Variants in SIM1 observed in about 807,000 individuals in gnomAD.
SIM1 encodes the protein single-minded homolog 1.
Under a neutral mutation model 78.2 loss-of-function variants are expected in SIM1, and 18 were observed. The observed-to-expected ratio is 0.23, with a 90% CI of 0.16 to 0.34. The LOEUF (loss-of-function observed/expected upper bound fraction) is 0.34. Ranked by LOEUF, SIM1 falls within the 10% of genes least tolerant of loss-of-function variation. The probability of loss-of-function intolerance (pLI) is 1.00; values close to 1 mark genes in which losing one functional copy is unlikely to be tolerated. For synonymous variants in SIM1, 417 were observed against 385.2 expected, an observed-to-expected ratio of 1.08 and a Z score of -0.97; for missense variants, 939 against 975.1, an observed-to-expected ratio of 0.96 and a Z score of 0.49.
chr6:100,393,531 T>C lies in SIM1; in HGVS notation c.1526A>G (p.Tyr509Cys), dbSNP rs768501726. 38 of 1,586,382 alleles carry C rather than the reference T, an allele frequency of 2.4e-5. 1 individual carries two copies. Among genetic ancestry groups the C allele is most frequent in the Non-Finnish European group, 3.3e-5 (38 of 1,163,272 alleles). The change falls in exon 11 of 12, where the codon TAT (tyrosine) becomes TGT (cysteine). Residue 509 changes from tyrosine to cysteine, a missense_variant. Tyr to Cys is a radical substitution (Grantham distance 194, BLOSUM62 -2). Transcript: ENST00000369208. ...AGCGATGTGAGGCATGCTGTTTTCA[T>C]AGGCTTCTCTGCTTTCTGGGGAGGC... ...TKASPESREA[Y>C]ENSMPHIASV...
At chr6:100,411,162 A>C (rs1452177251) in intron 10 of SIM1, among the ~76,000 whole-genome samples, 1 of 152,220 alleles carries the variant, frequency 6.6e-6, no homozygotes, top group Non-Finnish European at 1.5e-5. Flanking sequence ...ATAAACAAAC[A>C]TGGGTAACTG....
chr6:100,450,218 A>G (rs888318196), intron 4 of SIM1, 49 bp downstream of exon 4: 1 of 1,528,506 alleles, frequency 6.5e-7, no homozygotes, highest in Admixed American at 1.7e-5. Context: ...CCCTGCTTCC[A>G]GCTCTGGCTG....
intron 9 of SIM1, among the ~76,000 whole-genome samples, chr6:100,442,125 C>T (rs868845243): frequency 6.6e-6 from 1 of 152,084 alleles, no homozygotes; most frequent in Admixed American, 6.6e-5. Flanking sequence ...GTCAGGTAAC[C>T]AATGTGACAG....
intron 3 of SIM1, 80 bp from the exon 4 acceptor site, chr6:100,450,436 A>T: frequency 7.9e-7 from 1 of 1,268,462 alleles, no homozygotes; most frequent in Non-Finnish European, 1.1e-6. Context: ...GAAGTTAGTG[A>T]CTTTCAGCCA....
chr6:100,427,608 TG>T (rs1356376418), intron 9 of SIM1, among the ~76,000 whole-genome samples: 5 of 152,226 alleles, frequency 3.3e-5, no homozygotes, highest in Non-Finnish European at 7.3e-5. Context: ...AATGTTGATA[TG>T]TGGCAAAGTC....
intron 9 of SIM1, among the ~76,000 whole-genome samples, chr6:100,441,710 A>G (rs1772221712): frequency 6.6e-6 from 1 of 152,166 alleles, no homozygotes; most frequent in African/African-American, 2.4e-5. Context: ...ACTTATGGGG[A>G]AAAAATGAGA....
intron 9 of SIM1, among the ~76,000 whole-genome samples, chr6:100,427,728 C>G (rs1440914416): frequency 6.6e-6 from 1 of 152,162 alleles, no homozygotes; most frequent in African/African-American, 2.4e-5. Flanking sequence ...AATTTGTTTC[C>G]TCACCCCTCC....
intron 9 of SIM1, among the ~76,000 whole-genome samples, chr6:100,446,638 GC>G: frequency 6.6e-6 from 1 of 152,206 alleles, no homozygotes; most frequent in Admixed American, 6.5e-5. Context: ...TGTCATTCGC[GC>G]CCGCAGGTGG....
intron 10 of SIM1, among the ~76,000 whole-genome samples, chr6:100,413,477 TTTC>T (rs1379101247): frequency 1.3e-5 from 2 of 152,220 alleles, no homozygotes; most frequent in Admixed American, 6.5e-5. Context: ...TTTCTCATTT[TTTC>T]TTCTTATTGT....
chr6:100,434,425 A>C (rs1292504076), intron 9 of SIM1, among the ~76,000 whole-genome samples: 1 of 152,244 alleles, frequency 6.6e-6, no homozygotes, highest in African/African-American at 2.4e-5. Context: ...ATTTGGCTTG[A>C]TCTGATAACA....
At chr6:100,459,971 T>G (rs967187689) in intron 2 of SIM1, among the ~76,000 whole-genome samples, 2 of 152,248 alleles carry the variant, frequency 1.3e-5, no homozygotes, top group African/African-American at 4.8e-5. Flanking sequence ...CATTTCCATG[T>G]GCCTCAATTT....
In SIM1 at chr6:100,390,262, C is replaced by T. The variant is rs777887808; in HGVS notation, c.*99G>A. 418 of 1,330,504 alleles carry T rather than the reference C, an allele frequency of 3.1e-4. No individual in the cohort carries two copies. Among genetic ancestry groups the T allele is most frequent in the Non-Finnish European group, 3.7e-4 (364 of 971,226 alleles). The allele number at this position is 1,330,504 out of a possible 1,614,324, so 82.4% of individuals were successfully genotyped here. ...CAAATACCCAGTAACTTAAGTTATACTCTCTAACAATCTGTGGCATAGTAA... is the reference window on the plus strand; with the variant it reads ...CAAATACCCAGTAACTTAAGTTATATTCTCTAACAATCTGTGGCATAGTAA... On this transcript the variant is annotated 3_prime_UTR_variant, in exon 12 of 12. Coordinates refer to ENST00000369208, the MANE Select transcript of SIM1 (RefSeq NM_005068.3).
chr6:100,398,675 A>G (rs1352417674), intron 10 of SIM1, among the ~76,000 whole-genome samples: 3 of 152,070 alleles, frequency 2.0e-5, no homozygotes, highest in South Asian at 4.2e-4. Context: ...CCATTCACCC[A>G]TTGATGACAC....
rs1166587380 is a variant in SIM1, at chr6:100,385,766, T to C, written c.*4595A>G. On this transcript the variant is annotated 3_prime_UTR_variant, in exon 12 of 12. Transcript: ENST00000369208. ...ATGATATAAAAATCATATTTTTCTG[T>C]GTGCGTATGTGTGTGTGTATGCTTT... 2 of 151,850 alleles carry C rather than the reference T, an allele frequency of 1.3e-5. No individual in the cohort carries two copies. Among genetic ancestry groups the C allele is most frequent in the Non-Finnish European group, 2.9e-5 (2 of 67,908 alleles). The allele number at this position is 151,850 out of a possible 1,614,324, so 9.4% of individuals were successfully genotyped here. A position where few individuals can be genotyped will look rare whatever the true frequency, so the allele number is the denominator to read the frequency against.
rs770641539 is a variant in SIM1, at chr6:100,390,872, C to G, written c.1790G>C (p.Gly597Ala). Residue 597 changes from glycine (G) to alanine (A), a missense_variant, in exon 12 of 12, where the codon GGG becomes GCG. By Grantham distance (60) the Gly-to-Ala change is moderately conservative (BLOSUM62 0). Around this residue, in one of 5 missense-constraint regions of SIM1, gnomAD observed 556 missense variants for 521.9 expected, o/e 1.07. Transcript: ENST00000369208. ...APSDQLASIN[G>A]AGKKHSLCFA... The stretch of plus-strand genomic sequence containing the variant: ...ACACAGGGAGTGTTTTTTCCCAGCC[C>G]CATTAATGGAAGCCAGTTGGTCTGA... 1 of 1,614,100 alleles carries G rather than the reference C, an allele frequency of 6.2e-7. No individual in the cohort carries two copies. The highest frequency in any genetic ancestry group is 1.1e-5 in the South Asian group (1 of 91,076).
chr6:100,454,480 C>A (rs1772596077), intron 2 of SIM1, among the ~76,000 whole-genome samples: 1 of 152,208 alleles, frequency 6.6e-6, no homozygotes, highest in Non-Finnish European at 1.5e-5. Context: ...CCCTCCTAGC[C>A]CTCTGCCTTA....
chr6:100,414,655 G>A (rs1375404264), intron 10 of SIM1, among the ~76,000 whole-genome samples: 2 of 152,120 alleles, frequency 1.3e-5, no homozygotes, highest in Non-Finnish European at 2.9e-5. Context: ...TGTTGTTAAT[G>A]GTCAAGGATT....
intron 2 of SIM1, among the ~76,000 whole-genome samples, chr6:100,461,663 A>T (rs1413533749): frequency 6.6e-6 from 1 of 152,168 alleles, no homozygotes; most frequent in Non-Finnish European, 1.5e-5. Context: ...CAATAGCTTT[A>T]TTTTTATAAA....
intron 10 of SIM1, among the ~76,000 whole-genome samples, chr6:100,409,119 C>G (rs780834340): frequency 6.6e-6 from 1 of 151,816 alleles, no homozygotes; most frequent in Non-Finnish European, 1.5e-5. Context: ...TTTTTTTTTA[C>G]ATACTTTAAG....
Sources: gnomAD v4.1 joint callset for allele counts (sites outside exome capture counted in the v4.1 genomes callset) on GRCh38, gnomAD v4.1.1 for gene constraint, gnomAD v4.1.1 regional missense constraint, MANE v1.5 for transcripts, NCBI Gene and HGNC (gene_info 2026-07-23, HGNC 2026-07-21) for gene names.